The following PHF3 variants were observed in gnomAD, a reference collection of about 807,000 sequenced individuals.
PHF3 encodes the protein PHD finger protein 3.
A neutral mutation model predicts 178.4 loss-of-function variants in PHF3; 41 were observed. The observed-to-expected ratio is 0.23, with a 90% CI of 0.18 to 0.30. PHF3 has a LOEUF of 0.30. Ranked by LOEUF, PHF3 falls within the 10% of genes least tolerant of loss-of-function variation. PHF3 has a pLI of 1.00. For missense variants in PHF3, 2,346 were observed against 2,398.1 expected (o/e 0.98, Z 0.45); for synonymous variants, 842 against 800.5 (o/e 1.05, Z -0.88).
intron 2 of PHF3, among the ~76,000 whole-genome samples, chr6:63,675,954 G>A (rs947291852): frequency 2.0e-5 from 3 of 151,978 alleles, no homozygotes; most frequent in Non-Finnish European, 2.9e-5. Context: ...TCCTTTATTC[G>A]TTCTTTGTGT....
In PHF3 at chr6:63,684,318, G is replaced by A. The variant is rs754883012; in HGVS notation, c.596G>A (p.Arg199Lys). The change falls in exon 4 of 16, where the codon AGG becomes AAG. Residue 199 changes from arginine to lysine, a missense_variant. Physicochemically the swap from Arg to Lys is conservative, Grantham distance 26 (BLOSUM62 2). Transcript: ENST00000262043. ...LKPEYHKENR[R>K]CSRNSGQIEV... ...CCTGAGTACCATAAGGAGAATAGAAGGTGCAGCCGAAATAGCGGACAAATT... is the reference window on the plus strand; with the variant it reads ...CCTGAGTACCATAAGGAGAATAGAAAGTGCAGCCGAAATAGCGGACAAATT... 4 of 1,613,936 alleles carry A rather than the reference G, an allele frequency of 2.5e-6. No homozygotes were observed. Among genetic ancestry groups the A allele is most frequent in the South Asian group, 1.1e-5 (1 of 91,064 alleles).
At chr6:63,666,082 G>A (rs1285241630) in intron 2 of PHF3, among the ~76,000 whole-genome samples, 3 of 152,042 alleles carry the variant, frequency 2.0e-5, no homozygotes, top group Non-Finnish European at 2.9e-5. Context: ...CATGTCTACC[G>A]CTTTAGTTAT....
Position 63,725,272 on chromosome 6 carries a change from C to T in PHF3, c.*11564C>T, listed in dbSNP as rs1307068909. On this transcript the variant is annotated 3_prime_UTR_variant, in exon 16 of 16. Transcript: ENST00000262043. ...TGAATAACAGATGTAAGAAGATGTG[C>T]TCTTGCCCTCCTATGTGTATTAGTG... is the stretch of plus-strand genomic sequence containing the variant. Among the ~76,000 whole-genome samples the T allele has an allele frequency of 1.3e-5, 2 of 152,064 alleles. No homozygotes were observed. Among genetic ancestry groups the T allele is most frequent in the Non-Finnish European group, 2.9e-5 (2 of 67,958 alleles).
rs559520004 is a variant in PHF3 at position 63,675,830 on chromosome 6, C to G, written c.245-4170C>G. Among the ~76,000 whole-genome samples, 3 of 152,296 alleles carry G rather than the reference C, an allele frequency of 2.0e-5. No homozygotes were observed. In the East Asian group the frequency reaches 5.8e-4, roughly 29 times the overall value. ...TCTTCTGTCCCCTTCCTTCTCTTCA[C>G]TTTCCTCCATTAAACTTAAAAGCGA... On this transcript the variant is annotated intron_variant, in intron 2 of 15. Coordinates refer to ENST00000262043, the MANE Select transcript of PHF3 (RefSeq NM_001370348.2).
chr6:63,685,537 TTGC>T lies in PHF3; in HGVS notation c.1817_1819del (p.Cys606del). The T allele has an allele frequency of 2.5e-6, 4 of 1,614,120 alleles. No homozygotes were observed. Among genetic ancestry groups the T allele is most frequent in the Non-Finnish European group, 3.4e-6 (4 of 1,180,008 alleles). ...GTGATAAGTCACACGCTCATCCTGG[TTGC>T]TTGAAAGAACCTCATCATCCTGCAC... On this transcript the variant is annotated inframe_deletion, in exon 4 of 16. Coordinates refer to ENST00000262043, the MANE Select transcript of PHF3 (RefSeq NM_001370348.2).
At chr6:63,680,306 C>A in intron 3 of PHF3, 145 bp downstream of exon 3, 1 of 609,526 alleles carries the variant, frequency 1.6e-6, no homozygotes, top group Non-Finnish European at 2.6e-6. Flanking sequence ...GAGATCATAT[C>A]AATTTGTTGT....
In PHF3 at chr6:63,715,948, C is replaced by T. The variant is rs1371524907; in HGVS notation, c.*2240C>T. On this transcript the variant is annotated 3_prime_UTR_variant, in exon 16 of 16. Transcript: ENST00000262043. Reference sequence around the variant, plus strand: ...AGTTTCTCCTGTTTTAAGAAAAAACCTGCTCTTTAAAAAAAGTTTTACACT... The same window carrying T: ...AGTTTCTCCTGTTTTAAGAAAAAACTTGCTCTTTAAAAAAAGTTTTACACT... Among the ~76,000 whole-genome samples, 1 of 151,892 alleles carries T rather than the reference C, an allele frequency of 6.6e-6. No individual in the cohort carries two copies. Among genetic ancestry groups the T allele is most frequent in the African/African-American group, 2.4e-5 (1 of 41,398 alleles).
chr6:63,721,432 C>T lies in PHF3; in HGVS notation c.*7724C>T, dbSNP rs1355348559. 2 of 1,551,676 alleles carry T rather than the reference C, an allele frequency of 1.3e-6. No homozygotes were observed. The highest frequency in any genetic ancestry group is 1.7e-6 in the Non-Finnish European group (2 of 1,146,946). On this transcript the variant is annotated 3_prime_UTR_variant, in exon 16 of 16. Transcript: ENST00000262043. The stretch of plus-strand genomic sequence containing the variant: ...TCACAGTCACCTACATTTGAGCCAC[C>T]TTTTGCTCCAAATTCAGTTAATTGT...
Position 63,722,965 on chromosome 6 carries a change from T to G in PHF3, c.*9257T>G, listed in dbSNP as rs1362425560. 6.6e-6 allele frequency among the ~76,000 whole-genome samples: 1 copy of G among 152,234 alleles called. No homozygotes were observed. Among genetic ancestry groups the G allele is most frequent in the Non-Finnish European group, 1.5e-5 (1 of 68,042 alleles). ...TTTGGTTAACAGCTGCTTTATCCAC[T>G]AGGTTGTAAGCTTTATGAGAACAGG... On this transcript the variant is annotated 3_prime_UTR_variant, in exon 16 of 16. Transcript: ENST00000262043.
chr6:63,703,995 A>C (rs955398676), intron 11 of PHF3, among the ~76,000 whole-genome samples: 4 of 152,236 alleles, frequency 2.6e-5, no homozygotes, highest in African/African-American at 9.6e-5. Context: ...TCATTTACTA[A>C]AGTAAAGGAG....
chr6:63,712,670 A>G lies in PHF3; in HGVS notation c.5082A>G (p.Gln1694=). 1 of 1,613,896 alleles carries G rather than the reference A, an allele frequency of 6.2e-7. No individual in the cohort carries two copies. The highest frequency in any genetic ancestry group is 8.5e-7 in the Non-Finnish European group (1 of 1,179,926). The change falls in exon 16 of 16, where the codon CAA becomes CAG. Residue 1694 remains glutamine (Q), a synonymous_variant. Transcript: ENST00000262043. ...LSHNKEHLTE[Q]INVEEKLCSA... is the part of the protein sequence containing the mutation. ...ACAACAAGGAGCACTTAACAGAACA[A>G]ATCAATGTAGAGGAAAAGTTGTGTT...
At chr6:63,646,312 TACTACATGC>T (rs1248573423) in intron 1 of PHF3, among the ~76,000 whole-genome samples, 2 of 152,116 alleles carry the variant, frequency 1.3e-5, no homozygotes, top group Non-Finnish European at 2.9e-5. Flanking sequence ...TAAAATGATA[TACTACATGC>T]ATGATGAAGA....
chr6:63,637,962 C>T (rs760993517), intron 1 of PHF3, among the ~76,000 whole-genome samples: 5 of 152,054 alleles, frequency 3.3e-5, no homozygotes, highest in Non-Finnish European at 5.9e-5. Flanking sequence ...TTTGCATACA[C>T]GTGAATTATG....
intron 2 of PHF3, among the ~76,000 whole-genome samples, chr6:63,671,833 G>A (rs1348847966): frequency 2.6e-5 from 4 of 152,050 alleles, no homozygotes; most frequent in African/African-American, 2.4e-5. Flanking sequence ...TGGAACCTTC[G>A]ACTACCTGGT....
chr6:63,688,348 T>A (rs1180221072), intron 4 of PHF3, among the ~76,000 whole-genome samples: 1 of 2,598 alleles, frequency 3.8e-4, no homozygotes, highest in East Asian at 0.015. Flanking sequence ...CCTCTTCTCT[T>A]GTTTTTAAGA....
At position 63,642,700 on chromosome 6, in the gene PHF3, A is replaced by G. The variant is rs1681938; in HGVS notation, c.-25-3827A>G. On this transcript the variant is annotated intron_variant, in intron 1 of 15. Coordinates refer to ENST00000262043, the MANE Select transcript of PHF3 (RefSeq NM_001370348.2). ...TTATGTTTTAATTATTTAGAATGCC[A>G]GTAGATGGGCTTCCTATGTTTTATT... 6.3e-3 allele frequency among the ~76,000 whole-genome samples: 965 copies of G among 152,320 alleles called. 9 individuals are homozygous for G. Among genetic ancestry groups the G allele is most frequent in the African/African-American group, 0.022 (900 of 41,580 alleles).
chr6:63,699,244 A>G (rs1047068804), intron 8 of PHF3, among the ~76,000 whole-genome samples: 14 of 152,186 alleles, frequency 9.2e-5, no homozygotes, highest in Non-Finnish European at 1.9e-4. Context: ...GATAAGTACA[A>G]TAAGCAAAAA....
intron 2 of PHF3, among the ~76,000 whole-genome samples, chr6:63,665,492 T>TG (rs1554150222): frequency 8.2e-5 from 12 of 145,672 alleles, no homozygotes; most frequent in African/African-American, 3.1e-4. Flanking sequence ...TTTTGTTTTT[T>TG]TTTTTTTTTT....
chr6:63,685,049 G>C lies in PHF3; in HGVS notation c.1327G>C (p.Val443Leu). Residue 443 changes from valine (V) to leucine (L), a missense_variant, in exon 4 of 16, where the codon GTG (valine) becomes CTG (leucine). This residue lies in a region of PHF3 where 843 missense variants were observed against 795.2 expected (regional missense o/e 1.06). Transcript: ENST00000262043. ...TATCTTGGAAAATGCTATTTGTGAT[G>C]TGCCTGACCAAAATTCAAAACAGTT... ...SNILENAICD[V>L]PDQNSKQLNA... is the part of the protein sequence containing the mutation. 6.2e-7 allele frequency: 1 copy of C among 1,614,014 alleles called. No individual in the cohort carries two copies. Among genetic ancestry groups the C allele is most frequent in the African/African-American group, 1.3e-5 (1 of 75,010 alleles).
Sources: allele counts gnomAD v4.1 joint callset (sites outside exome capture counted in the v4.1 genomes callset), GRCh38; gene constraint gnomAD v4.1.1; regional missense constraint gnomAD v4.1.1; transcripts MANE v1.5; gene names NCBI Gene and HGNC (gene_info 2026-07-23, HGNC 2026-07-21).